Variants in RBFOX1 observed in about 807,000 individuals in gnomAD.
RBFOX1 encodes the protein RNA binding fox-1 homolog 1.
In RBFOX1, 8 loss-of-function variants were observed where a neutral mutation model predicts 57.7. The ratio of observed to expected loss-of-function variants is 0.14; its 90% CI spans 0.08 to 0.25. The LOEUF (loss-of-function observed/expected upper bound fraction) is 0.25. RBFOX1 is among the 10% of genes least tolerant of loss of function. The pLI is 1.00. For synonymous variants in RBFOX1, 326 were observed against 222.4 expected (o/e 1.47, Z -4.15); for missense variants, 611 against 548.5 (o/e 1.11, Z -1.14).
At chr16:6,617,064 G>C (rs1179408087) in intron 2 of RBFOX1, among the ~76,000 whole-genome samples, 1 of 152,016 alleles carries the variant, frequency 6.6e-6, no homozygotes, top group Non-Finnish European at 1.5e-5. Flanking sequence ...TGATCTTTGA[G>C]CAGGGTACTT....
chr16:7,231,374 A>T (rs889130467), intron 4 of RBFOX1, among the ~76,000 whole-genome samples: 1 of 152,192 alleles, frequency 6.6e-6, no homozygotes, highest in Non-Finnish European at 1.5e-5. Flanking sequence ...GAGAATCAGC[A>T]GGGTTCATGA....
intron 3 of RBFOX1, among the ~76,000 whole-genome samples, chr16:6,972,287 A>C (rs561985342): frequency 2.0e-5 from 3 of 151,624 alleles, no homozygotes; most frequent in Admixed American, 1.3e-4. Context: ...CTGTCATTCT[A>C]CTTTTTGTCT....
chr16:6,501,342 C>T (rs372473990), intron 2 of RBFOX1, among the ~76,000 whole-genome samples: 6 of 139,176 alleles, frequency 4.3e-5, no homozygotes, highest in South Asian at 2.4e-4. Context: ...TTCCTGTGTC[C>T]ATGTGTTCTC....
intron 3 of RBFOX1, among the ~76,000 whole-genome samples, chr16:6,872,135 C>T (rs1446976923): frequency 6.6e-6 from 1 of 152,134 alleles, no homozygotes; most frequent in Non-Finnish European, 1.5e-5. Context: ...GATACGCTTT[C>T]TTTTCCACCA....
chr16:7,705,334 A>C (rs747667001), intron 14 of RBFOX1, among the ~76,000 whole-genome samples: 1 of 151,984 alleles, frequency 6.6e-6, no homozygotes, highest in Non-Finnish European at 1.5e-5. Context: ...GTGAAGCCCC[A>C]TATCTACTAA....
At chr16:7,320,664 C>T (rs530702737) in intron 4 of RBFOX1, among the ~76,000 whole-genome samples, 6 of 152,250 alleles carry the variant, frequency 3.9e-5, no homozygotes, top group East Asian at 3.9e-4. Context: ...GAAGGTCAGT[C>T]GGTAGTAAGT....
At chr16:7,154,685 T>TTGTGTGTGTGTG (rs56742260) in intron 4 of RBFOX1, among the ~76,000 whole-genome samples, 7 of 143,112 alleles carry the variant, frequency 4.9e-5, no homozygotes, top group African/African-American at 1.9e-4. Context: ...CCCTCTTCCT[T>TTGTGTGTGTGTG]TGTGTGTGTG....
At chr16:6,355,264 C>T (rs765907418) in intron 2 of RBFOX1, among the ~76,000 whole-genome samples, 43 of 152,196 alleles carry the variant, frequency 2.8e-4, no homozygotes, top group Admixed American at 4.6e-4. Context: ...AGATATTTCT[C>T]CTAATGTTAT....
intron 3 of RBFOX1, among the ~76,000 whole-genome samples, chr16:5,781,735 C>G (rs1165691846): frequency 6.6e-6 from 1 of 152,214 alleles, no homozygotes; most frequent in Non-Finnish European, 1.5e-5. Flanking sequence ...GCCCCCTTTT[C>G]TAGGGATTTG....
chr16:5,991,042 A>G (rs1257589670), intron 4 of RBFOX1, among the ~76,000 whole-genome samples: 1 of 152,216 alleles, frequency 6.6e-6, no homozygotes, highest in Non-Finnish European at 1.5e-5. Flanking sequence ...AAAATGTTTT[A>G]ATGGAAAATT....
At chr16:7,234,130 T>C (rs900844185) in intron 4 of RBFOX1, among the ~76,000 whole-genome samples, 4 of 152,194 alleles carry the variant, frequency 2.6e-5, no homozygotes, top group African/African-American at 9.7e-5. Context: ...CACAAAGGCC[T>C]GTTTTGCTGG....
chr16:6,605,542 G>A (rs936280177), intron 2 of RBFOX1, among the ~76,000 whole-genome samples: 24 of 152,196 alleles, frequency 1.6e-4, no homozygotes, highest in Non-Finnish European at 3.4e-4. Context: ...AGCGTCCAGT[G>A]CATTTGTCAT....
chr16:6,817,491 C>T (rs926181559), intron 3 of RBFOX1, among the ~76,000 whole-genome samples: 1 of 145,206 alleles, frequency 6.9e-6, no homozygotes, highest in South Asian at 2.2e-4. Context: ...GTCAAGAGTT[C>T]GAGACCAGCC....
intron 3 of RBFOX1, among the ~76,000 whole-genome samples, chr16:6,939,841 G>C (rs992779198): frequency 1.3e-5 from 2 of 152,126 alleles, no homozygotes; most frequent in Non-Finnish European, 1.5e-5. Context: ...GTATCATATA[G>C]CTGGTGGAAG....
intron 3 of RBFOX1, among the ~76,000 whole-genome samples, chr16:6,794,280 A>ATT (rs372963833): frequency 0.036 from 4,562 of 125,156 alleles, 245 homozygotes; most frequent in East Asian, 0.25. Flanking sequence ...CTTGTTCGTG[A>ATT]TTTTTTTTTT....
At chr16:7,654,064 G>A (rs1439849722) in intron 12 of RBFOX1, 117 bp downstream of exon 12, 4 of 1,116,120 alleles carry the variant, frequency 3.6e-6, no homozygotes, top group Admixed American at 3.1e-5. Flanking sequence ...CCCCAGAACC[G>A]CCCCCAGCAT....
chr16:6,227,855 C>G (rs1254405417), intron 1 of RBFOX1, among the ~76,000 whole-genome samples: 1 of 152,102 alleles, frequency 6.6e-6, no homozygotes, highest in African/African-American at 2.4e-5. Flanking sequence ...CTTATTTTAA[C>G]AAAAGGAGAG....
chr16:5,998,688 CT>C (rs2060533095), intron 4 of RBFOX1, among the ~76,000 whole-genome samples: 1 of 152,168 alleles, frequency 6.6e-6, no homozygotes. Flanking sequence ...TCCGAATGTC[CT>C]TTCTGCTTAC....
At chr16:6,612,086 AC>A (rs2098066875) in intron 2 of RBFOX1, among the ~76,000 whole-genome samples, 1 of 151,946 alleles carries the variant, frequency 6.6e-6, no homozygotes. Flanking sequence ...GTCTAAAACA[AC>A]CCTCCCCTCT....
Sources: gnomAD v4.1 joint callset for allele counts (sites outside exome capture counted in the v4.1 genomes callset) on GRCh38, gnomAD v4.1.1 for gene constraint, MANE v1.5 for transcripts, NCBI Gene and HGNC (gene_info 2026-07-23, HGNC 2026-07-21) for gene names.